CSMD2: variants seen among roughly 807,000 people sequenced by gnomAD.
CSMD2 encodes CUB and sushi domain-containing protein 2.
CSMD2 carries 130 observed loss-of-function variants against 398.5 expected under a neutral mutation model. The ratio of observed to expected loss-of-function variants is 0.33; its 90% confidence interval spans 0.28 to 0.38. CSMD2 has a LOEUF of 0.38. Among genes scored for constraint, CSMD2 ranks in the 10% least tolerant of loss-of-function variants. The pLI, the probability that CSMD2 is intolerant of heterozygous loss-of-function variation, is 1.00. For missense variants in CSMD2, 3,829 were observed against 4,764.9 expected, an observed-to-expected ratio of 0.80 and a Z score of 5.78; for synonymous variants, 1,828 against 1,908.5, an observed-to-expected ratio of 0.96 and a Z score of 1.10.
intron 25 of CSMD2, among the ~76,000 whole-genome samples, chr1:33,667,853 C>T (rs773718055): frequency 3.9e-5 from 6 of 152,272 alleles, no homozygotes; most frequent in African/African-American, 1.4e-4. Flanking sequence ...TTCACTTAAG[C>T]GCCTCCCATA....
chr1:33,771,990 G>C (rs1651333436), intron 13 of CSMD2: 1 of 152,286 alleles, frequency 6.6e-6, no homozygotes, highest in African/African-American at 2.4e-5. Context: ...GAAGGAAGAA[G>C]GGCTTCTTTG....
At chr1:34,048,538 G>A (rs1053193596) in intron 2 of CSMD2, among the ~76,000 whole-genome samples, 1 of 152,220 alleles carries the variant, frequency 6.6e-6, no homozygotes, top group African/African-American at 2.4e-5. Context: ...ACCTGGGGAA[G>A]GAGCAGGTGG....
intron 3 of CSMD2, among the ~76,000 whole-genome samples, chr1:33,939,692 T>G (rs189483044): frequency 1.1e-4 from 16 of 152,320 alleles, no homozygotes; most frequent in Admixed American, 7.8e-4. Flanking sequence ...AATGAGCTGT[T>G]CACAATCAGA....
intron 38 of CSMD2, 116 bp from the exon 39 acceptor site, chr1:33,617,091 CA>C: frequency 1.4e-6 from 1 of 724,388 alleles, no homozygotes; most frequent in South Asian, 1.7e-5. Context: ...ACAAGATACA[CA>C]AAGACACACA....
intron 18 of CSMD2, 61 bp downstream of exon 18, chr1:33,724,455 C>T: frequency 6.3e-7 from 1 of 1,579,296 alleles, no homozygotes. Flanking sequence ...TTTTGAGCAC[C>T]TGTGTTTCTG....
chr1:34,148,100 G>T (rs1251368708), intron 1 of CSMD2, among the ~76,000 whole-genome samples: 1 of 152,166 alleles, frequency 6.6e-6, no homozygotes, highest in African/African-American at 2.4e-5. Context: ...TCTCGTTGAG[G>T]CCCAGGGACA....
chr1:33,905,579 A>G (rs1039470627), intron 5 of CSMD2, among the ~76,000 whole-genome samples: 7 of 152,194 alleles, frequency 4.6e-5, no homozygotes, highest in African/African-American at 1.7e-4. Flanking sequence ...GCAGTGGCTG[A>G]GCCATTCCGT....
chr1:33,605,215 G>T, intron 42 of CSMD2, 67 bp downstream of exon 42: 1 of 1,431,956 alleles, frequency 7.0e-7, no homozygotes, highest in African/African-American at 1.4e-5. Flanking sequence ...GTGGAACATG[G>T]GATTGCTCTG....
rs973691563 is a variant in CSMD2, at chr1:33,537,011, G to A, written c.9879+11C>T. 1.9e-6 allele frequency: 3 copies of A among 1,613,708 alleles called. No homozygotes were observed. Among genetic ancestry groups the A allele is most frequent in the Admixed American group, 3.3e-5 (2 of 60,020 alleles). ...GATGTAGGAAGACCCTATCTTGGCT[G>A]ACCTCCTTACCTGGTAGCCCTGAGA... On this transcript the variant is annotated intron_variant, in intron 62 of 70. Coordinates refer to ENST00000373381, the MANE Select transcript of CSMD2 (RefSeq NM_001281956.2). The surrounding 1 kb of genome is among the most constrained non-coding windows in gnomAD (Gnocchi z 4.6).
chr1:34,092,415 CG>C (rs1306854098), intron 1 of CSMD2, among the ~76,000 whole-genome samples: 1 of 152,060 alleles, frequency 6.6e-6, no homozygotes, highest in African/African-American at 2.4e-5. Context: ...CCAAGATGGC[CG>C]AATAGGAACA....
At chr1:34,018,765 C>T (rs933315974) in intron 3 of CSMD2, among the ~76,000 whole-genome samples, 6 of 152,194 alleles carry the variant, frequency 3.9e-5, no homozygotes, top group African/African-American at 1.4e-4. Context: ...CCCTTTGTTG[C>T]CACATTTGGT....
At chr1:33,703,734 A>G (rs1255819739) in intron 22 of CSMD2, among the ~76,000 whole-genome samples, 1 of 152,194 alleles carries the variant, frequency 6.6e-6, no homozygotes, top group Non-Finnish European at 1.5e-5. Flanking sequence ...CACATCTTCA[A>G]TTTGGTTAGA....
chr1:33,683,154 C>T (rs1288183070), intron 25 of CSMD2, among the ~76,000 whole-genome samples: 1 of 152,134 alleles, frequency 6.6e-6, no homozygotes, highest in Non-Finnish European at 1.5e-5. Context: ...TTAGTTGTTG[C>T]TGTGTGTTTA....
intron 5 of CSMD2, chr1:33,864,364 C>T (rs1432570218): frequency 6.2e-7 from 1 of 1,614,072 alleles, no homozygotes; most frequent in East Asian, 2.2e-5. Context: ...CATGAAAAGG[C>T]CAAATATGAA....
intron 5 of CSMD2, among the ~76,000 whole-genome samples, chr1:33,865,123 A>C (rs1258036871): frequency 6.6e-6 from 1 of 151,362 alleles, no homozygotes; most frequent in East Asian, 2.0e-4. Context: ...CGTGGTTCTG[A>C]GTGGTGATCC....
chr1:33,645,701 T>C (rs1012220190), intron 29 of CSMD2, among the ~76,000 whole-genome samples: 2 of 152,246 alleles, frequency 1.3e-5, no homozygotes, highest in African/African-American at 4.8e-5. Flanking sequence ...CCAAGGACTT[T>C]CATGTGTGGA....
rs565129382 is a variant in CSMD2 at position 33,963,157 on chromosome 1, T to C, written c.518-27203A>G. Among the ~76,000 whole-genome samples, 4 of 152,316 alleles carry C rather than the reference T, an allele frequency of 2.6e-5. No individual in the cohort carries two copies. In the South Asian group the frequency reaches 8.3e-4, roughly 32 times the overall value. On this transcript the variant is annotated intron_variant, in intron 3 of 70. Transcript: ENST00000373381. Reference sequence around the variant, plus strand: ...CTTAAATGCAACCCCAGCCACACCATTCTCCTCTCAAAGCCCCTTATGGGG... The same window carrying C: ...CTTAAATGCAACCCCAGCCACACCACTCTCCTCTCAAAGCCCCTTATGGGG...
Position 34,103,456 on chromosome 1 carries a change from G to T in CSMD2, c.188-14263C>A, listed in dbSNP as rs1013546001. On this transcript the variant is annotated intron_variant, in intron 1 of 70. Coordinates refer to ENST00000373381, the MANE Select transcript of CSMD2 (RefSeq NM_001281956.2). ...TGGGACTACCGGCACCCGCCACCAC[G>T]CCCAGCTAATTTTTCACGTTTTTAG... 2.0e-5 allele frequency among the ~76,000 whole-genome samples: 3 copies of T among 151,724 alleles called. No homozygotes were observed. In the East Asian group the frequency reaches 5.8e-4, roughly 30 times the overall value.
chr1:34,096,313 G>A (rs1403022937), intron 1 of CSMD2, among the ~76,000 whole-genome samples: 1 of 151,268 alleles, frequency 6.6e-6, no homozygotes, highest in African/African-American at 2.4e-5. Context: ...CATACTGAAT[G>A]GGCAAAAACT....
Sources: allele counts gnomAD v4.1 joint callset (sites outside exome capture counted in the v4.1 genomes callset), GRCh38; gene constraint gnomAD v4.1.1; non-coding constraint Gnocchi (gnomAD v3.1); transcripts MANE v1.5; gene names NCBI Gene and HGNC (gene_info 2026-07-23, HGNC 2026-07-21).